The following CALN1 variants were observed in gnomAD, a reference collection of about 807,000 sequenced individuals.
CALN1 encodes calneuron 1.
Under a neutral mutation model 30.6 loss-of-function variants are expected in CALN1, and 17 were observed. That is an observed-to-expected ratio of 0.56 (90% CI 0.38 to 0.83). The LOEUF (loss-of-function observed/expected upper bound fraction) is 0.83, where lower values mean the gene tolerates loss of function less well. Ranked by LOEUF, CALN1 falls within the 40% of genes least tolerant of loss-of-function variation. The pLI, the probability that CALN1 is intolerant of heterozygous loss-of-function variation, is 0.00. For synonymous variants in CALN1, 156 were observed against 131.4 expected, an observed-to-expected ratio of 1.19 and a Z score of -1.28; for missense variants, 291 against 354.9, an observed-to-expected ratio of 0.82 and a Z score of 1.45.
chr7:71,793,661 T>G (rs1032395115), intron 6 of CALN1, among the ~76,000 whole-genome samples: 1 of 151,974 alleles, frequency 6.6e-6, no homozygotes, highest in African/African-American at 2.4e-5. Flanking sequence ...CGCCTGAGGT[T>G]AGGAGTTTGA....
At chr7:72,170,830 A>G (rs1788899070) in intron 3 of CALN1, among the ~76,000 whole-genome samples, 1 of 152,208 alleles carries the variant, frequency 6.6e-6, no homozygotes, top group African/African-American at 2.4e-5. Flanking sequence ...ACTTGTGGAT[A>G]CTTTTAAACA....
chr7:71,868,394 C>T (rs1264742575), intron 5 of CALN1, among the ~76,000 whole-genome samples: 3 of 139,076 alleles, frequency 2.2e-5, no homozygotes, highest in Admixed American at 7.5e-5. Flanking sequence ...TTTTTTGAGA[C>T]GGAGTTTTGC....
chr7:71,993,365 C>T (rs1047501475), intron 5 of CALN1, among the ~76,000 whole-genome samples: 2 of 151,884 alleles, frequency 1.3e-5, no homozygotes, highest in African/African-American at 4.8e-5. Flanking sequence ...ACTTGGGAGG[C>T]TGAGGTGGGA....
rs536535127 is a variant in CALN1 at position 72,093,014 on chromosome 7, G to T, written c.388+13137C>A. Among the ~76,000 whole-genome samples the T allele has an allele frequency of 2.4e-4, 36 of 152,152 alleles. No homozygotes were observed. In the South Asian group the frequency reaches 5.2e-3, roughly 22 times the overall value. The stretch of plus-strand genomic sequence containing the variant: ...GGTTTTAAGCCACTGCTATTTGGGG[G>T]TATATTTATTGCTGCAGCATAACTT... On this transcript the variant is annotated intron_variant, in intron 4 of 6. Transcript: ENST00000395275.
At chr7:72,503,668 T>A in the CALN1 span, among the ~76,000 whole-genome samples, 1 of 152,020 alleles carries the variant, frequency 6.6e-6, no homozygotes, top group Non-Finnish European at 1.5e-5. Context: ...AGGAAGCCAG[T>A]ACCAGTAACC....
chr7:72,040,764 A>G (rs1360282983), intron 4 of CALN1, among the ~76,000 whole-genome samples: 1 of 152,180 alleles, frequency 6.6e-6, no homozygotes, highest in Admixed American at 6.5e-5. Context: ...CAGCATCTTG[A>G]GGTTGGGCTT....
At chr7:71,878,219 A>G (rs1306897405) in intron 5 of CALN1, among the ~76,000 whole-genome samples, 3 of 152,146 alleles carry the variant, frequency 2.0e-5, no homozygotes, top group African/African-American at 7.2e-5. Context: ...ACCACTGGGT[A>G]AGAAAAGTAA....
chr7:71,927,869 G>A (rs1027192448), intron 5 of CALN1, among the ~76,000 whole-genome samples: 1 of 152,158 alleles, frequency 6.6e-6, no homozygotes. Flanking sequence ...TTGTGAACGG[G>A]AGAGTTTCTT....
At chr7:72,111,896 G>A (rs860005) in intron 3 of CALN1, among the ~76,000 whole-genome samples, 5,654 of 151,986 alleles carry the variant, frequency 0.037, 347 homozygotes, top group African/African-American at 0.13. Context: ...GATTACAGGC[G>A]CCCACCATCA....
rs1427614054 is a variant in CALN1 at position 72,054,476 on chromosome 7, C to CACATAT, written c.389-30708_389-30707insATATGT. On this transcript the variant is annotated intron_variant, in intron 4 of 6. Coordinates refer to ENST00000395275, the MANE Select transcript of CALN1 (RefSeq NM_031468.4). ...ATATATACATATATATACATATATA[C>CACATAT]ATACATATATATATACATATATACA... is the stretch of plus-strand genomic sequence containing the variant. 2.0e-3 allele frequency among the ~76,000 whole-genome samples: 178 copies of CACATAT among 89,608 alleles called. 8 individuals carry two copies. Among genetic ancestry groups the CACATAT allele is most frequent in the East Asian group, 0.015 (60 of 3,940 alleles). The allele number at this position is 89,608 out of a possible 152,430, so 58.8% of individuals were successfully genotyped here. A position where few individuals can be genotyped will look rare whatever the true frequency, so the allele number is the denominator to read the frequency against.
rs1451119758 is a variant in CALN1, at chr7:72,372,175, C to T, written c.119+31076G>A. Among the ~76,000 whole-genome samples the T allele has an allele frequency of 3.3e-5, 5 of 152,234 alleles. No individual in the cohort carries two copies. In the East Asian group the frequency reaches 7.7e-4, roughly 24 times the overall value. ...ATGATTATTTCTTTCTTTTCCTTTT[C>T]TCTATCATCTTGCACCTCAGCCCCC... On this transcript the variant is annotated intron_variant, in intron 2 of 6. Transcript: ENST00000395275.
Position 71,826,338 on chromosome 7 carries a change from T to C in CALN1, c.502-15846A>G, listed in dbSNP as rs540823997. On this transcript the variant is annotated intron_variant, in intron 5 of 6. Coordinates refer to ENST00000395275, the MANE Select transcript of CALN1 (RefSeq NM_031468.4). ...ACCCAAACGAAGATTGAGCACCTAT[T>C]GACTCCCACAGTCTAGAAGAAATTT... Among the ~76,000 whole-genome samples, 3 of 152,274 alleles carry C rather than the reference T, an allele frequency of 2.0e-5. No homozygotes were observed. The East Asian group carries it at 5.8e-4, about 29-fold the overall frequency.
intron 1 of CALN1, among the ~76,000 whole-genome samples, chr7:72,435,350 G>T (rs1808119227): frequency 6.6e-6 from 1 of 152,202 alleles, no homozygotes; most frequent in Admixed American, 6.5e-5. Context: ...AGACGAGAAT[G>T]TGGTGGAAGC....
At chr7:72,398,118 G>T (rs1225178497) in intron 2 of CALN1, among the ~76,000 whole-genome samples, 1 of 152,176 alleles carries the variant, frequency 6.6e-6, no homozygotes, top group African/African-American at 2.4e-5. Flanking sequence ...AAGAAGAGGA[G>T]AAATAAAGAT....
chr7:72,001,766 T>C (rs1031846847), intron 5 of CALN1, among the ~76,000 whole-genome samples: 4 of 152,176 alleles, frequency 2.6e-5, no homozygotes, highest in Non-Finnish European at 5.9e-5. Context: ...AAGGCAAGAA[T>C]TGTGGTTGCT....
intron 5 of CALN1, among the ~76,000 whole-genome samples, chr7:71,847,491 ACAAAACCAAAAC>A (rs982162419): frequency 1.5e-4 from 22 of 151,714 alleles, no homozygotes; most frequent in Non-Finnish European, 2.1e-4. Context: ...CTCTACTAAA[ACAAAACCAAAAC>A]CAAAACCAAA....
intron 4 of CALN1, among the ~76,000 whole-genome samples, chr7:72,083,736 T>C (rs1229153826): frequency 2.0e-5 from 3 of 152,108 alleles, no homozygotes; most frequent in African/African-American, 7.2e-5. Flanking sequence ...CTGGCCAACA[T>C]GGTGAAACCC....
chr7:72,156,756 G>A (rs532268626), intron 3 of CALN1, among the ~76,000 whole-genome samples: 5 of 152,318 alleles, frequency 3.3e-5, no homozygotes, highest in South Asian at 2.1e-4. Flanking sequence ...TGCACCTCCC[G>A]TGGTGGGAGT....
intron 3 of CALN1, among the ~76,000 whole-genome samples, 169 bp from the exon 4 acceptor site, chr7:72,106,463 C>T (rs563650004): frequency 1.1e-4 from 13 of 120,498 alleles, no homozygotes; most frequent in African/African-American, 3.2e-4. Context: ...AGAAAAGAAA[C>T]GAAGAAAAGA....
Sources: gnomAD v4.1 joint callset for allele counts (sites outside exome capture counted in the v4.1 genomes callset) on GRCh38, gnomAD v4.1.1 for gene constraint, MANE v1.5 for transcripts, NCBI Gene and HGNC (gene_info 2026-07-23, HGNC 2026-07-21) for gene names.